DLGAP2: variants seen among roughly 807,000 people sequenced by gnomAD.
DLGAP2 encodes the protein disks large-associated protein 2.
A neutral mutation model predicts 100.3 loss-of-function variants in DLGAP2; 26 were observed. The observed-to-expected ratio is 0.26, with a 90% CI of 0.19 to 0.36. The LOEUF (loss-of-function observed/expected upper bound fraction) is 0.36. DLGAP2 is among the 10% of genes least tolerant of loss of function. The pLI, the probability that DLGAP2 is intolerant of heterozygous loss-of-function variation, is 1.00. For synonymous variants in DLGAP2, 886 were observed against 630.1 expected (o/e 1.41, Z -6.08); for missense variants, 1,858 against 1,453.2 (o/e 1.28, Z -4.53).
intron 2 of DLGAP2, among the ~76,000 whole-genome samples, chr8:969,589 A>G (rs1799965070): frequency 6.6e-6 from 1 of 151,980 alleles, no homozygotes; most frequent in South Asian, 2.1e-4. Flanking sequence ...ACCAACAAAG[A>G]TAATACATAT....
intron 1 of DLGAP2, among the ~76,000 whole-genome samples, chr8:769,929 G>C (rs1261612990): frequency 6.6e-6 from 1 of 152,112 alleles, no homozygotes; most frequent in Non-Finnish European, 1.5e-5. Context: ...GCAGCTGCGG[G>C]GGTCATGCCG....
chr8:1,392,771 G>A (rs1796397864), intron 3 of DLGAP2, among the ~76,000 whole-genome samples: 1 of 150,424 alleles, frequency 6.6e-6, no homozygotes, highest in Non-Finnish European at 1.5e-5. Context: ...CATGGGCTGT[G>A]TTCTTTCTTC....
intron 3 of DLGAP2, among the ~76,000 whole-genome samples, chr8:1,423,287 C>G (rs888609311): frequency 7.2e-5 from 11 of 151,916 alleles, no homozygotes; most frequent in African/African-American, 2.4e-4. Flanking sequence ...TGACCCCAGG[C>G]CTGCTCAGTC....
rs760388550 is a variant in DLGAP2 at position 1,013,706 on chromosome 8, GTA to G, written c.73+105742_73+105743del. Among the ~76,000 whole-genome samples, 120 of 67,282 alleles carry G rather than the reference GTA, an allele frequency of 1.8e-3. 1 individual carries two copies. In the South Asian group the frequency reaches 0.019, roughly 11 times the overall value. 44.1% of individuals were successfully genotyped at this position (67,282 alleles called of 152,430 possible). The stretch of plus-strand genomic sequence containing the variant: ...AGGACAGACGATGCCTCCATTGTGT[GTA>G]TGACCAGGACAGACGACGCCTCCAC... On this transcript the variant is annotated intron_variant, in intron 2 of 14. Transcript: ENST00000637795.
At chr8:1,690,974 C>T (rs937025252) in intron 12 of DLGAP2, among the ~76,000 whole-genome samples, 3 of 152,136 alleles carry the variant, frequency 2.0e-5, no homozygotes, top group African/African-American at 7.2e-5. Context: ...TCCTGTGAGG[C>T]CTCTGTCCAC....
chr8:1,416,462 C>G (rs1416143162), intron 3 of DLGAP2, among the ~76,000 whole-genome samples: 1 of 152,234 alleles, frequency 6.6e-6, no homozygotes, highest in Admixed American at 6.5e-5. Context: ...AACAGTCCAT[C>G]AGGCGGAGAA....
At chr8:1,212,497 C>G (rs913617498) in intron 2 of DLGAP2, among the ~76,000 whole-genome samples, 1 of 152,116 alleles carries the variant, frequency 6.6e-6, no homozygotes, top group Non-Finnish European at 1.5e-5. Context: ...CCATGGAGCA[C>G]TGTCCATAAA....
chr8:1,252,698 T>G (rs777706679), intron 2 of DLGAP2, among the ~76,000 whole-genome samples: 18 of 152,256 alleles, frequency 1.2e-4, no homozygotes, highest in Non-Finnish European at 2.1e-4. Flanking sequence ...CCGCCGGGTG[T>G]CATGGCTGGG....
intron 3 of DLGAP2, among the ~76,000 whole-genome samples, chr8:1,464,319 G>GCA (rs1798554861): frequency 2.2e-5 from 1 of 45,884 alleles, no homozygotes; most frequent in Admixed American, 2.4e-4. Flanking sequence ...CCAGGACAAC[G>GCA]CCCTTCCAGG....
intron 6 of DLGAP2, among the ~76,000 whole-genome samples, chr8:1,618,493 C>T (rs1317386831): frequency 6.6e-6 from 1 of 152,162 alleles, no homozygotes; most frequent in Non-Finnish European, 1.5e-5. Context: ...AGTGCAACCT[C>T]AGTAGAATCA....
chr8:1,085,439 A>G (rs35134698), intron 2 of DLGAP2, among the ~76,000 whole-genome samples: 48,758 of 152,080 alleles, frequency 0.32, 7,918 homozygotes, highest in Middle Eastern at 0.38. Context: ...CCAGACCAAT[A>G]TTATGTAGTC....
intron 6 of DLGAP2, chr8:1,621,859 G>C (rs1287510394): frequency 6.6e-6 from 1 of 152,210 alleles, no homozygotes; most frequent in Non-Finnish European, 1.5e-5. Flanking sequence ...GCAGCTGTGG[G>C]GGCATCCCAG....
intron 8 of DLGAP2, among the ~76,000 whole-genome samples, chr8:1,636,812 C>T (rs773503800): frequency 5.9e-5 from 9 of 152,144 alleles, no homozygotes; most frequent in Admixed American, 1.3e-4. Context: ...TATTTTAAAA[C>T]TTGAATTTGA....
At chr8:1,264,912 A>T (rs1442708235) in intron 3 of DLGAP2, among the ~76,000 whole-genome samples, 1 of 152,070 alleles carries the variant, frequency 6.6e-6, no homozygotes, top group Non-Finnish European at 1.5e-5. Flanking sequence ...ATGAGATGTG[A>T]TGGTTTCATA....
chr8:1,391,188 A>T (rs34861804), intron 3 of DLGAP2, among the ~76,000 whole-genome samples: 1 of 151,414 alleles, frequency 6.6e-6, no homozygotes, highest in African/African-American at 2.4e-5. Flanking sequence ...AGATTAACTC[A>T]GAAGTTCCCA....
intron 3 of DLGAP2, among the ~76,000 whole-genome samples, chr8:1,418,704 A>G (rs1042907474): frequency 6.6e-6 from 1 of 151,940 alleles, no homozygotes; most frequent in African/African-American, 2.4e-5. Context: ...ATGTGTGTAT[A>G]TTTTCCCATG....
intron 6 of DLGAP2, among the ~76,000 whole-genome samples, chr8:1,582,652 C>T (rs528851362): frequency 1.3e-5 from 2 of 152,262 alleles, no homozygotes; most frequent in South Asian, 4.1e-4. Context: ...TGTGGTGGCA[C>T]AGTCTCAGCT....
intron 2 of DLGAP2, among the ~76,000 whole-genome samples, chr8:910,786 A>G (rs1798468992): frequency 6.6e-6 from 1 of 152,004 alleles, no homozygotes; most frequent in African/African-American, 2.4e-5. Flanking sequence ...ACCATCTTTT[A>G]CTAGGATTGG....
At chr8:1,120,792 C>G (rs1198359941) in intron 2 of DLGAP2, among the ~76,000 whole-genome samples, 1 of 152,018 alleles carries the variant, frequency 6.6e-6, no homozygotes, top group Non-Finnish European at 1.5e-5. Flanking sequence ...CCATCCTAGT[C>G]CCTTCAGAAC....
Sources: gnomAD v4.1 joint callset for allele counts (sites outside exome capture counted in the v4.1 genomes callset) on GRCh38, gnomAD v4.1.1 for gene constraint, MANE v1.5 for transcripts, NCBI Gene and HGNC (gene_info 2026-07-23, HGNC 2026-07-21) for gene names.